The following CNTN6 variants were observed in gnomAD, a reference collection of about 807,000 sequenced individuals.
The protein encoded by CNTN6 is contactin 6, also known as contactin-6.
In CNTN6, 137 loss-of-function variants were observed where a neutral mutation model predicts 122.8. That is an observed-to-expected ratio of 1.12 (90% CI 0.97 to 1.29). CNTN6 has a LOEUF of 1.29. Among genes scored for constraint, CNTN6 ranks in the 50% most tolerant of loss-of-function variants. The probability of loss-of-function intolerance (pLI) is 0.00; values close to 1 mark genes in which losing one functional copy is unlikely to be tolerated. For missense variants in CNTN6, 1,634 were observed against 1,223.4 expected (o/e 1.34, Z -5.01); for synonymous variants, 570 against 426.0 (o/e 1.34, Z -4.16).
intron 12 of CNTN6, among the ~76,000 whole-genome samples, chr3:1,367,783 C>T (rs915568634): frequency 1.4e-4 from 22 of 152,038 alleles, no homozygotes; most frequent in African/African-American, 4.6e-4. Flanking sequence ...GAACCTGGGC[C>T]TCTTAAAGGG....
chr3:1,274,787 A>G (rs1692017960), intron 4 of CNTN6, among the ~76,000 whole-genome samples: 1 of 152,152 alleles, frequency 6.6e-6, no homozygotes, highest in Non-Finnish European at 1.5e-5. Flanking sequence ...GGCCCTAACC[A>G]CTCAGAATGT....
At chr3:1,370,758 G>T (rs558104212) in intron 12 of CNTN6, among the ~76,000 whole-genome samples, 1 of 152,084 alleles carries the variant, frequency 6.6e-6, no homozygotes, top group Non-Finnish European at 1.5e-5. Context: ...TGAGGCAGGA[G>T]AATCTCTTGA....
chr3:1,280,673 C>A (rs373202544), intron 5 of CNTN6, among the ~76,000 whole-genome samples: 6 of 151,902 alleles, frequency 3.9e-5, no homozygotes, highest in African/African-American at 1.4e-4. Flanking sequence ...CCATGTTGGC[C>A]AGGCTGGTCT....
chr3:1,146,136 G>T (rs538951330), intron 1 of CNTN6, among the ~76,000 whole-genome samples: 1 of 151,756 alleles, frequency 6.6e-6, no homozygotes, highest in Non-Finnish European at 1.5e-5. Context: ...CATTCTCCAC[G>T]GTAGCCAGAG....
At chr3:1,283,828 C>A (rs901816466) in intron 5 of CNTN6, among the ~76,000 whole-genome samples, 9 of 151,946 alleles carry the variant, frequency 5.9e-5, no homozygotes, top group African/African-American at 1.9e-4. Flanking sequence ...GGTGAAACCC[C>A]GTCTGTCCTA....
At chr3:1,106,985 TA>T (rs1369815164) in intron 1 of CNTN6, among the ~76,000 whole-genome samples, 1 of 152,156 alleles carries the variant, frequency 6.6e-6, no homozygotes, top group African/African-American at 2.4e-5. Flanking sequence ...TCTATCTCTC[TA>T]AATATATGAA....
At chr3:1,212,477 ATGTG>A (rs1194494648) in intron 2 of CNTN6, among the ~76,000 whole-genome samples, 1 of 148,688 alleles carries the variant, frequency 6.7e-6, no homozygotes, top group Non-Finnish European at 1.5e-5. Context: ...ATACACATAC[ATGTG>A]TGTGTATATA....
At chr3:1,274,360 G>A (rs894094188) in intron 4 of CNTN6, among the ~76,000 whole-genome samples, 1 of 152,170 alleles carries the variant, frequency 6.6e-6, no homozygotes, top group African/African-American at 2.4e-5. Flanking sequence ...ATTCCTGTAT[G>A]AGAAACATGG....
chr3:1,184,812 A>T lies in CNTN6; in HGVS notation c.56-35875A>T, dbSNP rs552620725. On this transcript the variant is annotated intron_variant, in intron 2 of 22. Transcript: ENST00000446702. ...CATTAAGTACATATTTGAATGGGCA[A>T]ATCTTATGAAATAATGCATTATTTA... Among the ~76,000 whole-genome samples, 11 of 152,292 alleles carry T rather than the reference A, an allele frequency of 7.2e-5. No homozygotes were observed. The East Asian group carries it at 1.3e-3, about 19-fold the overall frequency.
chr3:1,300,280 C>CG (rs1696981340), intron 7 of CNTN6, among the ~76,000 whole-genome samples: 1 of 152,042 alleles, frequency 6.6e-6, no homozygotes, highest in African/African-American at 2.4e-5. Flanking sequence ...GCCACTGCGC[C>CG]GACCGCATTC....
chr3:1,281,294 A>C (rs9815996), intron 5 of CNTN6, among the ~76,000 whole-genome samples: 25,904 of 152,120 alleles, frequency 0.17, 2,407 homozygotes, highest in South Asian at 0.35. Context: ...TCTCACAGAG[A>C]AACGTCCTAG....
intron 19 of CNTN6, among the ~76,000 whole-genome samples, chr3:1,383,996 C>G (rs1311452149): frequency 2.0e-5 from 3 of 150,034 alleles, no homozygotes; most frequent in Non-Finnish European, 4.5e-5. Flanking sequence ...AGTCTTCAAT[C>G]TGGTCCACAG....
Position 1,383,605 on chromosome 3 carries a change from C to T in CNTN6, c.2517+197C>T, listed in dbSNP as rs62230969. Among the ~76,000 whole-genome samples, 737 of 152,048 alleles carry T rather than the reference C, an allele frequency of 4.8e-3. 5 individuals carry two copies. The highest frequency in any genetic ancestry group is 8.5e-3 in the South Asian group (41 of 4,808). On this transcript the variant is annotated intron_variant, in intron 19 of 22. Transcript: ENST00000446702. ...CTTAGCCTGGGATGTTTCTTGTCCT[C>T]GCTCAAGACAGAATTCGAGAGTGAG... is the stretch of plus-strand genomic sequence containing the variant.
At chr3:1,276,249 T>C (rs757301953) in intron 4 of CNTN6, among the ~76,000 whole-genome samples, 12 of 152,138 alleles carry the variant, frequency 7.9e-5, no homozygotes, top group Admixed American at 2.0e-4. Flanking sequence ...CTTATATTAG[T>C]TTTTTACTGT....
chr3:1,257,224 T>C (rs538978612), intron 4 of CNTN6, among the ~76,000 whole-genome samples: 24 of 152,294 alleles, frequency 1.6e-4, no homozygotes, highest in African/African-American at 5.5e-4. Flanking sequence ...AGGATTCAAA[T>C]TCATTTCCAG....
intron 2 of CNTN6, among the ~76,000 whole-genome samples, chr3:1,172,859 A>C (rs2093383690): frequency 6.6e-6 from 1 of 152,168 alleles, no homozygotes. Flanking sequence ...ATTTAGAGGC[A>C]GCTGGCCTCT....
chr3:1,326,014 G>GTACT, intron 9 of CNTN6, 63 bp downstream of exon 9: 1 of 1,418,542 alleles, frequency 7.0e-7, no homozygotes. Context: ...GTTACTAACA[G>GTACT]TACTAGTAAC....
Position 1,360,374 on chromosome 3 carries a change from G to A in CNTN6, c.1492+7923G>A, listed in dbSNP as rs78645173. Among the ~76,000 whole-genome samples, 35 of 152,106 alleles carry A rather than the reference G, an allele frequency of 2.3e-4. No homozygotes were observed. The East Asian group carries it at 6.8e-3, about 30-fold the overall frequency. ...TATCAACTATTACACTGGGCATTTG[G>A]CAGGCTTTGTCGCTGTAGAAACTCA... On this transcript the variant is annotated intron_variant, in intron 12 of 22. Transcript: ENST00000446702.
intron 1 of CNTN6, among the ~76,000 whole-genome samples, chr3:1,129,188 A>G (rs2092267084): frequency 6.6e-6 from 1 of 152,072 alleles, no homozygotes; most frequent in Non-Finnish European, 1.5e-5. Context: ...TTGTGGAACT[A>G]TAACTTTAGA....
Sources: gnomAD v4.1 joint callset for allele counts (sites outside exome capture counted in the v4.1 genomes callset) on GRCh38, gnomAD v4.1.1 for gene constraint, MANE v1.5 for transcripts, NCBI Gene and HGNC (gene_info 2026-07-23, HGNC 2026-07-21) for gene names.